ANKRD6: variants seen among roughly 807,000 people sequenced by gnomAD.
ANKRD6 encodes ankyrin repeat domain 6, also known as ankyrin repeat domain-containing protein 6.
In ANKRD6, 56 loss-of-function variants were observed where a neutral mutation model predicts 82.3. The ratio of observed to expected loss-of-function variants is 0.68; its 90% CI spans 0.55 to 0.85. The LOEUF is 0.85. Ranked by LOEUF, ANKRD6 falls within the 40% of genes least tolerant of loss-of-function variation. The probability of loss-of-function intolerance (pLI) is 0.00; values close to 1 mark genes in which losing one functional copy is unlikely to be tolerated. For synonymous variants in ANKRD6, 347 were observed against 352.1 expected (o/e 0.99, Z 0.16); for missense variants, 852 against 907.6 (o/e 0.94, Z 0.79).
chr6:89,569,879 C>T (rs1391700619), intron 2 of ANKRD6, among the ~76,000 whole-genome samples: 3 of 152,134 alleles, frequency 2.0e-5, no homozygotes, highest in South Asian at 2.1e-4. Flanking sequence ...GATCCCTTAG[C>T]CCAGTCCCAT....
intron 1 of ANKRD6, among the ~76,000 whole-genome samples, chr6:89,538,925 A>C (rs780050743): frequency 2.0e-5 from 3 of 152,194 alleles, no homozygotes; most frequent in Non-Finnish European, 4.4e-5. Context: ...GAAAGAACAG[A>C]GTTTCAACAG....
At chr6:89,614,477 C>G (rs866747016) in intron 7 of ANKRD6, among the ~76,000 whole-genome samples, 3 of 152,104 alleles carry the variant, frequency 2.0e-5, no homozygotes, top group African/African-American at 4.8e-5. Context: ...GAAACCCTGT[C>G]TCTACCAAAA....
rs913073426 is a variant in ANKRD6 at position 89,554,011 on chromosome 6, TG to T, written c.-143-12816del. ...GAGCTCTGGTTCTTGGCCCTAAAGATGGGGGGGTGTGAGTGACTTCAAAAAG... is the reference window on the plus strand; with the variant it reads ...GAGCTCTGGTTCTTGGCCCTAAAGATGGGGGGTGTGAGTGACTTCAAAAAG... On this transcript the variant is annotated intron_variant, in intron 1 of 15. Transcript: ENST00000339746. 2.0e-5 allele frequency among the ~76,000 whole-genome samples: 3 copies of T among 151,954 alleles called. No homozygotes were observed. The East Asian group carries it at 5.8e-4, about 29-fold the overall frequency.
In ANKRD6 at chr6:89,616,645, C is replaced by T; in HGVS notation, c.702C>T (p.Thr234=). The change falls in exon 8 of 16, where the codon ACC becomes ACT. Residue 234 remains threonine, a synonymous_variant. Coordinates refer to ENST00000339746, the MANE Select transcript of ANKRD6 (RefSeq NM_001242809.2). ...TACTGGAAGCCGGAGCAGATACGAC[C>T]ATTGTTAACAATGTAAGTTGAGTTG... The part of the protein sequence containing the change: ...KILLEAGADT[T]IVNNAGQTPL... 1.2e-6 allele frequency: 2 copies of T among 1,614,002 alleles called. No individual in the cohort carries two copies. The highest frequency in any genetic ancestry group is 1.7e-6 in the Non-Finnish European group (2 of 1,179,862).
intron 1 of ANKRD6, among the ~76,000 whole-genome samples, chr6:89,488,806 CA>C (rs1315398534): frequency 6.6e-6 from 1 of 152,136 alleles, no homozygotes; most frequent in Admixed American, 6.5e-5. Context: ...CCAGTATGTA[CA>C]CATACATATA....
intron 2 of ANKRD6, among the ~76,000 whole-genome samples, chr6:89,583,249 C>T (rs1184882715): frequency 3.9e-5 from 6 of 152,224 alleles, no homozygotes; most frequent in Admixed American, 2.0e-4. Context: ...GGAAGTTGTA[C>T]TGCTCTTTGT....
At chr6:89,478,225 A>T (rs1776314463) in intron 1 of ANKRD6, 1 of 152,052 alleles carries the variant, frequency 6.6e-6, no homozygotes, top group South Asian at 2.1e-4. Context: ...GGTTCTGGGC[A>T]GTAGTGTGCT....
chr6:89,464,100 A>C (rs1477337548), intron 1 of ANKRD6, among the ~76,000 whole-genome samples: 1 of 152,162 alleles, frequency 6.6e-6, no homozygotes, highest in Non-Finnish European at 1.5e-5. Flanking sequence ...AACAAAACAA[A>C]ATAATTCTTT....
At chr6:89,614,061 T>C (rs770684852) in intron 7 of ANKRD6, among the ~76,000 whole-genome samples, 171 bp downstream of exon 7, 38 of 152,254 alleles carry the variant, frequency 2.5e-4, no homozygotes, top group Non-Finnish European at 5.9e-5. Context: ...CTAGTGGCCC[T>C]GGCTTATCTG....
chr6:89,591,605 G>A (rs868820626), intron 2 of ANKRD6, among the ~76,000 whole-genome samples: 2 of 152,182 alleles, frequency 1.3e-5, no homozygotes, highest in Non-Finnish European at 2.9e-5. Context: ...ACATGCCTGG[G>A]GGCATTCCTA....
Position 89,621,982 on chromosome 6 carries a change from A to T in ANKRD6, c.853A>T (p.Arg285Trp). 6.2e-7 allele frequency: 1 copy of T among 1,613,010 alleles called. No individual in the cohort carries two copies. The highest frequency in any genetic ancestry group is 8.5e-7 in the Non-Finnish European group (1 of 1,179,894). The change falls in exon 10 of 16, where the codon AGG (arginine) becomes TGG (tryptophan). Residue 285 changes from arginine (R) to tryptophan (W), a missense_variant. Coordinates refer to ENST00000339746, the MANE Select transcript of ANKRD6 (RefSeq NM_001242809.2). ...RKKRERLKEE[R>W]RAQSVPRDEV... Reference sequence around the variant, plus strand: ...AAAGAGAGAGAGGCTCAAGGAAGAGAGGAGAGCCCAGTCTGTGCCAAGAGA... The same window carrying T: ...AAAGAGAGAGAGGCTCAAGGAAGAGTGGAGAGCCCAGTCTGTGCCAAGAGA...
In ANKRD6 at chr6:89,633,192, G is replaced by A. The variant is rs936635540; in HGVS notation, c.*2188G>A. ...CTTACTACATGGATCTTGTCTCTTG[G>A]AGGTCTGTCGTAGAAGAAGAAACAA... On this transcript the variant is annotated 3_prime_UTR_variant, in exon 16 of 16. Coordinates refer to ENST00000339746, the MANE Select transcript of ANKRD6 (RefSeq NM_001242809.2). 1 of 152,132 alleles carries A rather than the reference G, an allele frequency of 6.6e-6. No individual in the cohort carries two copies. The highest frequency in any genetic ancestry group is 1.5e-5 in the Non-Finnish European group (1 of 68,030). The allele number at this position is 152,132 out of a possible 1,614,324, so 9.4% of individuals were successfully genotyped here. A position where few individuals can be genotyped will look rare whatever the true frequency, so the allele number is the denominator to read the frequency against.
intron 5 of ANKRD6, among the ~76,000 whole-genome samples, chr6:89,606,406 G>C (rs149275306): frequency 6.6e-6 from 1 of 152,208 alleles, no homozygotes; most frequent in African/African-American, 2.4e-5. Context: ...AAAAAATATG[G>C]CAATGGAGTT....
intron 2 of ANKRD6, among the ~76,000 whole-genome samples, chr6:89,575,061 A>G (rs1397081590): frequency 6.6e-6 from 1 of 152,208 alleles, no homozygotes; most frequent in Non-Finnish European, 1.5e-5. Flanking sequence ...TGGGAAACCC[A>G]GCAAAGCCTG....
chr6:89,571,952 G>A (rs1222340305), intron 2 of ANKRD6, among the ~76,000 whole-genome samples: 1 of 151,972 alleles, frequency 6.6e-6, no homozygotes, highest in Non-Finnish European at 1.5e-5. Context: ...CCAATCCCTG[G>A]CAACCACTGG....
chr6:89,460,734 T>G lies in ANKRD6; in HGVS notation c.-144+27359T>G, dbSNP rs1774026037. Among the ~76,000 whole-genome samples the G allele has an allele frequency of 3.3e-5, 5 of 151,900 alleles. No homozygotes were observed. The South Asian group carries it at 1.0e-3, about 32-fold the overall frequency. ...TACAGGCGTGAGCACCCAGCCAATTTTCTTTTTTTTAATGAGGTTATTTTT... is the reference window on the plus strand; with the variant it reads ...TACAGGCGTGAGCACCCAGCCAATTGTCTTTTTTTTAATGAGGTTATTTTT... On this transcript the variant is annotated intron_variant, in intron 1 of 15. Coordinates refer to ENST00000339746, the MANE Select transcript of ANKRD6 (RefSeq NM_001242809.2).
chr6:89,583,126 G>C (rs1475718742), intron 2 of ANKRD6, among the ~76,000 whole-genome samples: 1 of 152,160 alleles, frequency 6.6e-6, no homozygotes, highest in African/African-American at 2.4e-5. Context: ...GAGCAGCAAG[G>C]CAGAGAACTA....
chr6:89,482,879 C>A (rs1776965606), intron 1 of ANKRD6, among the ~76,000 whole-genome samples: 1 of 152,204 alleles, frequency 6.6e-6, no homozygotes, highest in South Asian at 2.1e-4. Context: ...ACTGTCTATT[C>A]TCCCGAGTCC....
At chr6:89,606,185 C>A in intron 5 of ANKRD6, 80 bp downstream of exon 5, 1 of 1,204,302 alleles carries the variant, frequency 8.3e-7, no homozygotes, top group Non-Finnish European at 1.1e-6. Flanking sequence ...GAGCCTTCTT[C>A]CAGTGAGAAG....
Sources: allele counts gnomAD v4.1 joint callset (sites outside exome capture counted in the v4.1 genomes callset), GRCh38; gene constraint gnomAD v4.1.1; transcripts MANE v1.5; gene names NCBI Gene and HGNC (gene_info 2026-07-23, HGNC 2026-07-21).